Variants in CPNE1 observed in about 807,000 individuals in gnomAD.
CPNE1 encodes copine 1.
In CPNE1, 58 loss-of-function variants were observed where a neutral mutation model predicts 63.2. That is an observed-to-expected ratio of 0.92 (90% CI 0.74 to 1.14). The LOEUF (loss-of-function observed/expected upper bound fraction) is 1.14, where lower values mean the gene tolerates loss of function less well. Among genes scored for constraint, CPNE1 ranks in the 50% most tolerant of loss-of-function variants. The pLI, the probability that CPNE1 is intolerant of heterozygous loss-of-function variation, is 0.00. For missense variants in CPNE1, 672 were observed against 661.7 expected, an observed-to-expected ratio of 1.02 and a Z score of -0.17; for synonymous variants, 237 against 249.0, an observed-to-expected ratio of 0.95 and a Z score of 0.45.
At chr20:35,638,010 G>A (rs1173850846) in intron 1 of CPNE1, among the ~76,000 whole-genome samples, 1 of 152,118 alleles carries the variant, frequency 6.6e-6, no homozygotes, top group East Asian at 1.9e-4. Context: ...CTATCCTACA[G>A]TAGATACTCA....
rs746995924 is a variant in CPNE1, at chr20:35,631,161, ACT to A, written c.812_813del (p.Glu271ValfsTer32). ...IRVKICRVETEYSFLDYVMGG... is the reference protein window; with the variant it reads ...IRVKICRVETXYSFLDYVMGG... ...CCCATCACATAGTCCAGAAAGGAGT[ACT>A]CTGTTTCTACCTGCAAATGAAACCA... On this transcript the variant is annotated frameshift_variant, in exon 10 of 16. Coordinates refer to ENST00000397443, the MANE Select transcript of CPNE1 (RefSeq NM_152925.3). LOFTEE classifies it high-confidence loss of function. The A allele has an allele frequency of 3.1e-6, 5 of 1,613,918 alleles. No individual in the cohort carries two copies. The highest frequency in any genetic ancestry group is 1.3e-5 in the African/African-American group (1 of 74,874).
chr20:35,627,539 A>T, intron 13 of CPNE1, 126 bp from the exon 14 acceptor site: 5 of 929,196 alleles, frequency 5.4e-6, no homozygotes, highest in African/African-American at 1.7e-5. Flanking sequence ...TCACCCTTGT[A>T]AACCAGGGTA....
chr20:35,655,796 T>C (rs1226268886), intron 1 of CPNE1, among the ~76,000 whole-genome samples: 1 of 152,158 alleles, frequency 6.6e-6, no homozygotes, highest in African/African-American at 2.4e-5. Context: ...TTTCATAGAA[T>C]TATCAAGAGT....
chr20:35,626,946 G>A, intron 14 of CPNE1, 143 bp from the exon 15 acceptor site: 1 of 737,830 alleles, frequency 1.4e-6, no homozygotes, highest in Non-Finnish European at 2.4e-6. Flanking sequence ...CCAGCACTTT[G>A]GGAGGCTAAG....
Position 35,638,269 on chromosome 20 carries a change from T to C in CPNE1, c.1-5346A>G, listed in dbSNP as rs535502669. On this transcript the variant is annotated intron_variant, in intron 1 of 15. Coordinates refer to ENST00000397443, the MANE Select transcript of CPNE1 (RefSeq NM_152925.3). ...ACAATAAATCTCCCCTATCCTGATCTTGTATAGTTCAACTTTGAAATTTAA... is the reference window on the plus strand; with the variant it reads ...ACAATAAATCTCCCCTATCCTGATCCTGTATAGTTCAACTTTGAAATTTAA... Among the ~76,000 whole-genome samples, 6 of 152,342 alleles carry C rather than the reference T, an allele frequency of 3.9e-5. No homozygotes were observed. In the South Asian group the frequency reaches 1.2e-3, roughly 32 times the overall value.
At chr20:35,644,476 A>G (rs773527982) in intron 1 of CPNE1, among the ~76,000 whole-genome samples, 4 of 152,216 alleles carry the variant, frequency 2.6e-5, no homozygotes, top group Non-Finnish European at 4.4e-5. Context: ...CAAACTCAGT[A>G]CAGATTTCCA....
intron 1 of CPNE1, among the ~76,000 whole-genome samples, chr20:35,662,943 T>C (rs2034315171): frequency 6.6e-6 from 1 of 152,232 alleles, no homozygotes. Flanking sequence ...ATGAAAATTA[T>C]ACATTACAAT....
chr20:35,628,511 T>C (rs1023847109), intron 13 of CPNE1, among the ~76,000 whole-genome samples: 3 of 152,152 alleles, frequency 2.0e-5, no homozygotes, highest in Non-Finnish European at 4.4e-5. Flanking sequence ...CCTCTGAATA[T>C]GATGCACTGA....
rs2032070068 is a variant in CPNE1 at position 35,630,757 on chromosome 20, A to G, written c.1034T>C (p.Val345Ala). 4 of 1,613,890 alleles carry G rather than the reference A, an allele frequency of 2.5e-6. No homozygotes were observed. The highest frequency in any genetic ancestry group is 3.4e-6 in the Non-Finnish European group (4 of 1,179,928). ...GGAGCTCACCTGCCAGTCAGGGGGA[A>G]CCTGGGCCCCAAATCCAAATGCAGG... Reference protein sequence around the residue: ...LFPAFGFGAQVPPDWQVSHEF... With the variant: ...LFPAFGFGAQAPPDWQVSHEF... The change falls in exon 12 of 16, where the codon GTT becomes GCT. Residue 345 changes from valine (V) to alanine (A), a missense_variant. Transcript: ENST00000397443.
chr20:35,635,765 C>CA (rs2032453432), intron 1 of CPNE1, among the ~76,000 whole-genome samples: 1 of 152,202 alleles, frequency 6.6e-6, no homozygotes, highest in Non-Finnish European at 1.5e-5. Context: ...TACTGATCCT[C>CA]AGTCAATCGC....
At chr20:35,652,394 T>C (rs2033583265) in intron 1 of CPNE1, 1 of 1,062,202 alleles carries the variant, frequency 9.4e-7, no homozygotes, top group South Asian at 1.6e-5. Flanking sequence ...CAATGCTCTA[T>C]GTTATGGAAA....
At chr20:35,647,423 G>A (rs564667965) in intron 1 of CPNE1, 5 of 151,942 alleles carry the variant, frequency 3.3e-5, no homozygotes, top group African/African-American at 7.2e-5. Context: ...TGCTGCTGAA[G>A]CAAGCACATC....
chr20:35,663,239 T>C (rs2034332488), intron 1 of CPNE1, among the ~76,000 whole-genome samples: 1 of 152,222 alleles, frequency 6.6e-6, no homozygotes, highest in African/African-American at 2.4e-5. Flanking sequence ...ACAACCAGTC[T>C]TGTATTGTAG....
At chr20:35,658,197 CACTT>C (rs1255034905) in intron 1 of CPNE1, among the ~76,000 whole-genome samples, 1 of 152,106 alleles carries the variant, frequency 6.6e-6, no homozygotes, top group Non-Finnish European at 1.5e-5. Context: ...GGTTAGATTC[CACTT>C]GCTAAGGTTC....
chr20:35,654,658 G>A, intron 1 of CPNE1: 2 of 1,612,866 alleles, frequency 1.2e-6, no homozygotes, highest in Non-Finnish European at 1.7e-6. Context: ...CGGGGGCACA[G>A]GAGGCACAGG....
At chr20:35,660,916 T>C (rs1353420748) in intron 1 of CPNE1, among the ~76,000 whole-genome samples, 1 of 152,176 alleles carries the variant, frequency 6.6e-6, no homozygotes, top group Admixed American at 6.5e-5. Flanking sequence ...ACTCACCAGG[T>C]CTACTCTCAA....
chr20:35,659,499 A>G (rs2034112496), intron 1 of CPNE1, among the ~76,000 whole-genome samples: 1 of 152,196 alleles, frequency 6.6e-6, no homozygotes, highest in African/African-American at 2.4e-5. Flanking sequence ...CTTTCAATAT[A>G]TTTTATTTTG....
At chr20:35,653,474 G>A in intron 1 of CPNE1, 1 of 1,614,162 alleles carries the variant, frequency 6.2e-7, no homozygotes, top group Non-Finnish European at 8.5e-7. Context: ...GTAACTACAT[G>A]AACAAAAGCT....
At position 35,652,960 on chromosome 20, in the gene CPNE1, C is replaced by T. The variant is rs771435250; in HGVS notation, c.-1+11800G>A. On this transcript the variant is annotated intron_variant, in intron 1 of 15. Coordinates refer to ENST00000397443, the MANE Select transcript of CPNE1 (RefSeq NM_152925.3). ...AGGGCCATTTCCAAAATTCTGAGGGCCCCCTCCAAATCCCGATGGCCCACT... is the reference window on the plus strand; with the variant it reads ...AGGGCCATTTCCAAAATTCTGAGGGTCCCCTCCAAATCCCGATGGCCCACT... 9 of 1,613,672 alleles carry T rather than the reference C, an allele frequency of 5.6e-6. No homozygotes were observed. In the African/African-American group the frequency reaches 9.3e-5, roughly 17 times the overall value.
Sources: gnomAD v4.1 joint callset for allele counts (sites outside exome capture counted in the v4.1 genomes callset) on GRCh38, gnomAD v4.1.1 for gene constraint, MANE v1.5 for transcripts, NCBI Gene and HGNC (gene_info 2026-07-23, HGNC 2026-07-21) for gene names.